The following FER1L6 variants were observed in gnomAD, a reference collection of about 807,000 sequenced individuals.
FER1L6 encodes fer-1-like protein 6.
In FER1L6, 177 loss-of-function variants were observed where a neutral mutation model predicts 219.2. The observed-to-expected ratio is 0.81, with a 90% CI of 0.71 to 0.91. The LOEUF (loss-of-function observed/expected upper bound fraction) is 0.91, where lower values mean the gene tolerates loss of function less well. Among genes scored for constraint, FER1L6 ranks in the 40% least tolerant of loss-of-function variants. The pLI is 0.00. For missense variants in FER1L6, 2,153 were observed against 2,259.9 expected (o/e 0.95, Z 0.96); for synonymous variants, 768 against 824.3 (o/e 0.93, Z 1.17).
intron 32 of FER1L6, among the ~76,000 whole-genome samples, chr8:124,081,467 G>C (rs546684759): frequency 6.6e-6 from 1 of 152,160 alleles, no homozygotes; most frequent in East Asian, 1.9e-4. Flanking sequence ...CAAGTTGCTA[G>C]TGTTCTCTAG....
In FER1L6 at chr8:123,993,475, C is replaced by G. The variant is rs1353842368; in HGVS notation, c.1519+7299C>G. Among the ~76,000 whole-genome samples the G allele has an allele frequency of 4.0e-5, 6 of 151,428 alleles. No individual in the cohort carries two copies. In the East Asian group the frequency reaches 1.2e-3, roughly 29 times the overall value. ...AAAAAAAAAAAGGAAGAATGTATAT[C>G]CAAGACCAAATGTTTATTTGATGAG... On this transcript the variant is annotated intron_variant, in intron 12 of 40. Transcript: ENST00000522917.
rs1193317376 is a variant in FER1L6 at position 123,980,637 on chromosome 8, A to G, written c.1236A>G (p.Glu412=). The G allele has an allele frequency of 6.2e-7, 1 of 1,614,164 alleles. No individual in the cohort carries two copies. ...AAATCCTCTCAGGACGGGCACAGGA[A>G]TCTAAATTTTCCAAGGCCCTGAAGG... ...AVEILSGRAQ[E]SKFSKALKEL... is the part of the protein sequence containing the mutation. Residue 412 remains glutamate (E), a synonymous_variant, in exon 11 of 41, where the codon GAA becomes GAG. Coordinates refer to ENST00000522917, the MANE Select transcript of FER1L6 (RefSeq NM_001039112.2).
rs944624572 is a variant in FER1L6, at chr8:123,852,898, A to C, written c.-8+713A>C. Among the ~76,000 whole-genome samples the C allele has an allele frequency of 6.6e-6, 1 of 152,278 alleles. No homozygotes were observed. Among genetic ancestry groups the C allele is most frequent in the East Asian group, 1.9e-4 (1 of 5,186 alleles). ...CCCACATTGTAATTTTTGGAGATGGATTTTGAGGCAAATGTAATCATCCCT... is the reference window on the plus strand; with the variant it reads ...CCCACATTGTAATTTTTGGAGATGGCTTTTGAGGCAAATGTAATCATCCCT... On this transcript the variant is annotated intron_variant, in intron 1 of 40. Transcript: ENST00000522917. The surrounding 1 kb of genome is among the most constrained non-coding windows in gnomAD (Gnocchi z 4.9).
chr8:124,111,402 G>A lies in FER1L6; in HGVS notation c.5290-7442G>A, dbSNP rs1044006992. On this transcript the variant is annotated intron_variant, in intron 39 of 40. Coordinates refer to ENST00000522917, the MANE Select transcript of FER1L6 (RefSeq NM_001039112.2). The surrounding 1 kb of genome is among the most constrained non-coding windows in gnomAD (Gnocchi z 5.0). ...TGGCCTGCAGAAGGGATGTATTCCA[G>A]CTACCCTTGTCCTCTTGTTATAGGA... 2.0e-5 allele frequency among the ~76,000 whole-genome samples: 3 copies of A among 152,198 alleles called. No homozygotes were observed. Among genetic ancestry groups the A allele is most frequent in the African/African-American group, 7.2e-5 (3 of 41,452 alleles).
chr8:124,008,245 T>C (rs1817757370), intron 13 of FER1L6, among the ~76,000 whole-genome samples: 1 of 152,244 alleles, frequency 6.6e-6, no homozygotes, highest in Non-Finnish European at 1.5e-5. Context: ...TCTCCAATCA[T>C]GTCCAGGTTG....
At position 123,853,568 on chromosome 8, in the gene FER1L6, G is replaced by C. The variant is rs1816564161; in HGVS notation, c.-8+1383G>C. On this transcript the variant is annotated intron_variant, in intron 1 of 40. Coordinates refer to ENST00000522917, the MANE Select transcript of FER1L6 (RefSeq NM_001039112.2). This position sits in a 1 kb window ranked among gnomAD's most constrained non-coding sequence, Gnocchi z 6.6. ...TTGAAAAATTGTTACTTTTTTCCTG[G>C]GGTATTGTATTAATCAGGGGAGATT... Among the ~76,000 whole-genome samples, 1 of 152,146 alleles carries C rather than the reference G, an allele frequency of 6.6e-6. No homozygotes were observed. The highest frequency in any genetic ancestry group is 2.1e-4 in the South Asian group (1 of 4,834).
intron 1 of FER1L6, among the ~76,000 whole-genome samples, chr8:123,943,571 T>C (rs1047365508): frequency 6.6e-6 from 1 of 152,154 alleles, no homozygotes; most frequent in African/African-American, 2.4e-5. Context: ...CTTTCCTTCT[T>C]CCGAGACAGT....
chr8:123,943,800 C>T (rs965706463), intron 1 of FER1L6, among the ~76,000 whole-genome samples: 5 of 151,948 alleles, frequency 3.3e-5, no homozygotes, highest in African/African-American at 1.2e-4. Context: ...CCTGGGCCAT[C>T]ATGGATGAGG....
chr8:124,049,475 C>A, intron 21 of FER1L6, 132 bp from the exon 22 acceptor site: 1 of 1,035,620 alleles, frequency 9.7e-7, no homozygotes, highest in Non-Finnish European at 1.4e-6. Context: ...AGGAGCTTGG[C>A]AGGAGAAAAG....
At chr8:123,981,471 G>A (rs1015145053) in intron 11 of FER1L6, among the ~76,000 whole-genome samples, 25 of 152,176 alleles carry the variant, frequency 1.6e-4, no homozygotes, top group Non-Finnish European at 3.5e-4. Flanking sequence ...TGTCAGTAGC[G>A]GAGGTAGGTA....
At chr8:123,957,616 C>G (rs1229643034) in intron 2 of FER1L6, among the ~76,000 whole-genome samples, 2 of 152,160 alleles carry the variant, frequency 1.3e-5, no homozygotes, top group Non-Finnish European at 2.9e-5. Flanking sequence ...CCAGGTCACA[C>G]AGCTAATAAA....
At chr8:124,026,229 G>T (rs1205298812) in intron 18 of FER1L6, among the ~76,000 whole-genome samples, 1 of 152,162 alleles carries the variant, frequency 6.6e-6, no homozygotes, top group African/African-American at 2.4e-5. Context: ...AGAGAAAAAT[G>T]TGTCCAAAGC....
At chr8:123,899,460 G>T (rs1032702086) in intron 1 of FER1L6, among the ~76,000 whole-genome samples, 1 of 152,122 alleles carries the variant, frequency 6.6e-6, no homozygotes, top group African/African-American at 2.4e-5. Context: ...CACTCTGTGG[G>T]TTGTCTGTTT....
At chr8:124,083,491 CTGATA>C (rs1821661786) in intron 33 of FER1L6, among the ~76,000 whole-genome samples, 1 of 152,084 alleles carries the variant, frequency 6.6e-6, no homozygotes, top group South Asian at 2.1e-4. Context: ...TGTCCTTTCT[CTGATA>C]TATCTTTTTG....
At chr8:124,024,442 G>A (rs934802887) in intron 18 of FER1L6, among the ~76,000 whole-genome samples, 5 of 150,518 alleles carry the variant, frequency 3.3e-5, no homozygotes, top group Non-Finnish European at 7.4e-5. Flanking sequence ...TTATAAGTGA[G>A]AACATACAGT....
intron 1 of FER1L6, among the ~76,000 whole-genome samples, chr8:123,877,099 C>T (rs1185954534): frequency 1.3e-5 from 2 of 152,256 alleles, no homozygotes; most frequent in Admixed American, 1.3e-4. Flanking sequence ...GGTCTTCCTC[C>T]TCCTACTGGT....
chr8:124,114,944 TA>T (rs1823183226), intron 39 of FER1L6, among the ~76,000 whole-genome samples: 1 of 137,522 alleles, frequency 7.3e-6, no homozygotes, highest in Non-Finnish European at 1.6e-5. Context: ...TTCCTTTTCC[TA>T]AAAGATTTTG....
chr8:123,853,097 G>GC lies in FER1L6; in HGVS notation c.-8+914dup, dbSNP rs1196956368. ...GGGCTCAAGCGATCCTCCTGCCTCA[G>GC]CCTTCCAAAGTGCTCGGATTACGTG... On this transcript the variant is annotated intron_variant, in intron 1 of 40. Transcript: ENST00000522917. This position sits in a 1 kb window ranked among gnomAD's most constrained non-coding sequence, Gnocchi z 6.6. Among the ~76,000 whole-genome samples the GC allele has an allele frequency of 5.3e-5, 8 of 152,206 alleles. No homozygotes were observed. Among genetic ancestry groups the GC allele is most frequent in the South Asian group, 2.1e-4 (1 of 4,828 alleles).
chr8:123,970,035 T>C lies in FER1L6; in HGVS notation c.385T>C (p.Tyr129His). ...CCAGAATGAACTTTTTGTTTTGCAG[T>C]ACTTTGTCTTCGACTTCATTGGGCC... The part of the protein sequence containing the change: ...EGTNSPFYNE[Y>H]FVFDFIGPQV... The change falls in exon 6 of 41, where the codon TAC becomes CAC. Residue 129 changes from tyrosine to histidine, a missense_variant and splice_region_variant. Physicochemically the swap from Tyr to His is moderately conservative, Grantham distance 83. Coordinates refer to ENST00000522917, the MANE Select transcript of FER1L6 (RefSeq NM_001039112.2). 1 of 1,614,038 alleles carries C rather than the reference T, an allele frequency of 6.2e-7. No homozygotes were observed. The highest frequency in any genetic ancestry group is 8.5e-7 in the Non-Finnish European group (1 of 1,179,884).
Sources: allele counts gnomAD v4.1 joint callset (sites outside exome capture counted in the v4.1 genomes callset), GRCh38; gene constraint gnomAD v4.1.1; non-coding constraint Gnocchi (gnomAD v3.1); transcripts MANE v1.5; gene names NCBI Gene and HGNC (gene_info 2026-07-23, HGNC 2026-07-21).